The following LYPD6B variants were observed in gnomAD, a reference collection of about 807,000 sequenced individuals.
LYPD6B encodes LY6/PLAUR domain containing 6B, also known as ly6/PLAUR domain-containing protein 6B.
LYPD6B carries 17 observed loss-of-function variants against 22.8 expected under a neutral mutation model. The observed-to-expected ratio is 0.75, with a 90% CI of 0.51 to 1.12. The LOEUF (loss-of-function observed/expected upper bound fraction) is 1.12. Ranked by LOEUF, LYPD6B falls within the 50% of genes most tolerant of loss-of-function variation. The pLI, the probability that LYPD6B is intolerant of heterozygous loss-of-function variation, is 0.00. For synonymous variants in LYPD6B, 106 were observed against 91.6 expected, an observed-to-expected ratio of 1.16 and a Z score of -0.90; for missense variants, 221 against 258.3, an observed-to-expected ratio of 0.86 and a Z score of 0.99.
chr2:149,068,779 G>T, intron 1 of LYPD6B: 2 of 487,874 alleles, frequency 4.1e-6, no homozygotes, highest in South Asian at 3.1e-5. Flanking sequence ...TTTCAGAGAG[G>T]GAATGAAACA....
chr2:149,205,440 G>C, intron 4 of LYPD6B, 36 bp downstream of exon 4: 2 of 1,606,370 alleles, frequency 1.2e-6, no homozygotes, highest in Non-Finnish European at 1.7e-6. Context: ...GTTCATGGCT[G>C]TGGGGCCAGA....
chr2:149,077,971 G>A (rs1252265516), intron 1 of LYPD6B, among the ~76,000 whole-genome samples: 1 of 151,554 alleles, frequency 6.6e-6, no homozygotes, highest in Non-Finnish European at 1.5e-5. Context: ...AACTGCTGCT[G>A]TTTCCTGGAG....
At chr2:149,069,184 G>GGTGGCCTT (rs148935057) in intron 1 of LYPD6B, among the ~76,000 whole-genome samples, 29,756 of 151,450 alleles carry the variant, frequency 0.2, 3,278 homozygotes, top group East Asian at 0.34. Flanking sequence ...GGCTGGTGGG[G>GGTGGCCTT]GTGGCCTTGG....
intron 4 of LYPD6B, chr2:149,206,097 C>T (rs767901910): frequency 3.0e-4 from 132 of 437,330 alleles, no homozygotes; most frequent in Admixed American, 1.9e-4. Flanking sequence ...CATGTGGGTA[C>T]CTGTAGTTCC....
chr2:149,111,944 A>G (rs944150335), intron 1 of LYPD6B, among the ~76,000 whole-genome samples: 3 of 152,198 alleles, frequency 2.0e-5, no homozygotes, highest in Non-Finnish European at 2.9e-5. Context: ...GTGATATACT[A>G]TGTCAATTGC....
rs1252716980 is a variant in LYPD6B at position 149,160,880 on chromosome 2, G to A, written c.77+45G>A. On this transcript the variant is annotated intron_variant, in intron 3 of 6. Coordinates refer to ENST00000409642, the MANE Select transcript of LYPD6B (RefSeq NM_177964.5). ...CAACAGCCCTCGGCTTTTCATTTGG[G>A]AGCTCTGGTTAAGTTGTTGGGAATG... is the stretch of plus-strand genomic sequence containing the variant. 1.1e-5 allele frequency: 15 copies of A among 1,398,326 alleles called. 1 individual carries two copies. The South Asian group carries it at 1.5e-4, about 14-fold the overall frequency. The allele number at this position is 1,398,326 out of a possible 1,614,324, so 86.6% of individuals were successfully genotyped here.
At chr2:149,062,924 T>C (rs1476260767) in intron 1 of LYPD6B, among the ~76,000 whole-genome samples, 1 of 149,428 alleles carries the variant, frequency 6.7e-6, no homozygotes, top group Admixed American at 6.7e-5. Flanking sequence ...AATAGTTGTC[T>C]AATGGCAGAT....
chr2:149,132,066 T>C (rs1575030272), intron 2 of LYPD6B, among the ~76,000 whole-genome samples: 1 of 151,954 alleles, frequency 6.6e-6, no homozygotes, highest in East Asian at 1.9e-4. Context: ...CCTGGGTCCA[T>C]GCTCCCTTTT....
At chr2:149,199,667 A>G (rs1405748896) in intron 3 of LYPD6B, among the ~76,000 whole-genome samples, 1 of 152,188 alleles carries the variant, frequency 6.6e-6, no homozygotes, top group Non-Finnish European at 1.5e-5. Flanking sequence ...TCTCTCTCCT[A>G]TTCTGCTTCA....
chr2:149,111,707 A>C (rs1323701391), intron 1 of LYPD6B, among the ~76,000 whole-genome samples: 1 of 152,190 alleles, frequency 6.6e-6, no homozygotes, highest in East Asian at 1.9e-4. Flanking sequence ...TGTCATCAGC[A>C]TATAGAAGGC....
At chr2:149,094,470 T>C (rs1037210226) in intron 1 of LYPD6B, among the ~76,000 whole-genome samples, 1 of 152,196 alleles carries the variant, frequency 6.6e-6, no homozygotes, top group African/African-American at 2.4e-5. Context: ...CCCAGGCTGG[T>C]GGAAATGAAC....
At chr2:149,181,122 C>T (rs765097694) in intron 3 of LYPD6B, among the ~76,000 whole-genome samples, 39 of 152,154 alleles carry the variant, frequency 2.6e-4, no homozygotes, top group African/African-American at 3.6e-4. Flanking sequence ...ACCTACCCCA[C>T]ACCCCTCTCA....
chr2:149,212,886 C>G lies in LYPD6B; in HGVS notation c.329-106C>G. ...CTTGCCTAAAAACCCCAGGACTGGC[C>G]TGAATTTGAGTCCTTTCTGCATTAA... On this transcript the variant is annotated intron_variant, in intron 5 of 6. Transcript: ENST00000409642. 4.3e-6 allele frequency: 5 copies of G among 1,169,822 alleles called. No individual in the cohort carries two copies. In the South Asian group the frequency reaches 8.0e-5, roughly 19 times the overall value. 72.5% of individuals were successfully genotyped at this position (1,169,822 alleles called of 1,614,324 possible). A position where few individuals can be genotyped will look rare whatever the true frequency, so the allele number is the denominator to read the frequency against.
chr2:149,107,550 A>G lies in LYPD6B; in HGVS notation c.-66-23333A>G, dbSNP rs559214902. Among the ~76,000 whole-genome samples the G allele has an allele frequency of 3.9e-5, 6 of 152,362 alleles. 1 individual carries two copies. The South Asian group carries it at 1.2e-3, about 32-fold the overall frequency. On this transcript the variant is annotated intron_variant, in intron 1 of 6. Transcript: ENST00000409642. The stretch of plus-strand genomic sequence containing the variant: ...AAGTGCTGCGTTAGCAATATCCCAC[A>G]AACTCTGATATGACATGTTTTGATT...
rs374829724 is a variant in LYPD6B at position 149,150,240 on chromosome 2, T to C, written c.6-10524T>C. Among the ~76,000 whole-genome samples, 55 of 152,280 alleles carry C rather than the reference T, an allele frequency of 3.6e-4. No homozygotes were observed. In the South Asian group the frequency reaches 3.9e-3, roughly 11 times the overall value. On this transcript the variant is annotated intron_variant, in intron 2 of 6. Transcript: ENST00000409642. Reference sequence around the variant, plus strand: ...GCTCTGTATGCTTGGTGTGGAGCTGTTGTATTGCTATTTCCCTTTGTGGTG... The same window carrying C: ...GCTCTGTATGCTTGGTGTGGAGCTGCTGTATTGCTATTTCCCTTTGTGGTG...
chr2:149,040,653 T>G (rs938778737), intron 1 of LYPD6B, among the ~76,000 whole-genome samples: 1 of 152,180 alleles, frequency 6.6e-6, no homozygotes, highest in African/African-American at 2.4e-5. Flanking sequence ...CCACCTCTGC[T>G]GCAAGGCATG....
intron 2 of LYPD6B, among the ~76,000 whole-genome samples, chr2:149,145,463 A>G (rs1688961494): frequency 6.6e-6 from 1 of 152,216 alleles, no homozygotes; most frequent in African/African-American, 2.4e-5. Flanking sequence ...AGTGAGACAC[A>G]GGGGAAGATA....
intron 3 of LYPD6B, among the ~76,000 whole-genome samples, chr2:149,168,068 G>C (rs909839841): frequency 2.6e-5 from 4 of 151,894 alleles, no homozygotes; most frequent in Non-Finnish European, 4.4e-5. Flanking sequence ...AAATTAGCCA[G>C]ACGCAGGGGC....
chr2:149,152,581 G>A (rs537115410), intron 2 of LYPD6B, among the ~76,000 whole-genome samples: 5 of 152,166 alleles, frequency 3.3e-5, no homozygotes, highest in Admixed American at 1.3e-4. Flanking sequence ...ACAATGGGAG[G>A]CATATTCATG....
Sources: gnomAD v4.1 joint callset for allele counts (sites outside exome capture counted in the v4.1 genomes callset) on GRCh38, gnomAD v4.1.1 for gene constraint, MANE v1.5 for transcripts, NCBI Gene and HGNC (gene_info 2026-07-23, HGNC 2026-07-21) for gene names.